EMC3: variants seen among roughly 807,000 people sequenced by gnomAD.
EMC3 encodes 30 kDa protein.
EMC3 carries 13 observed loss-of-function variants against 36.6 expected under a neutral mutation model. That is an observed-to-expected ratio of 0.35 (90% CI 0.23 to 0.56). The LOEUF (loss-of-function observed/expected upper bound fraction) is 0.56, where lower values mean the gene tolerates loss of function less well. Ranked by LOEUF, EMC3 falls within the 20% of genes least tolerant of loss-of-function variation. EMC3 has a pLI of 0.84. For synonymous variants in EMC3, 120 were observed against 111.9 expected (o/e 1.07, Z -0.46); for missense variants, 220 against 324.5 (o/e 0.68, Z 2.47).
intron 1 of EMC3, among the ~76,000 whole-genome samples, chr3:9,998,526 C>T (rs1291994672): frequency 2.0e-5 from 3 of 151,716 alleles, no homozygotes; most frequent in Admixed American, 1.3e-4. Context: ...AACTCCTGGG[C>T]TCAAGCAGTC....
intron 1 of EMC3, among the ~76,000 whole-genome samples, chr3:9,997,803 T>C (rs1232464607): frequency 1.3e-5 from 2 of 152,130 alleles, no homozygotes; most frequent in African/African-American, 2.4e-5. Context: ...CATTCATCCA[T>C]TGATGGACAC....
At chr3:10,005,942 A>C (rs2086257611) in intron 1 of EMC3, among the ~76,000 whole-genome samples, 1 of 152,196 alleles carries the variant, frequency 6.6e-6, no homozygotes, top group Non-Finnish European at 1.5e-5. Context: ...TCTCTCACTG[A>C]TGCGGGCTCA....
In EMC3 at chr3:9,963,479, T is replaced by TA. The variant is rs1559347910; in HGVS notation, c.*589_*590insT. 3.2e-3 allele frequency: 142 copies of TA among 43,760 alleles called. 1 individual carries two copies. The highest frequency in any genetic ancestry group is 0.012 in the East Asian group (36 of 2,952). The allele number at this position is 43,760 out of a possible 1,614,324, so 2.7% of individuals were successfully genotyped here. On this transcript the variant is annotated 3_prime_UTR_variant, in exon 8 of 8. Transcript: ENST00000245046. ...GATATATATATATATATATATATAT[T>TA]TTTTTTTTTTTTTCAGATGGAGTTT...
At chr3:9,964,324 C>G in intron 7 of EMC3, 127 bp from the exon 8 acceptor site, 2 of 1,419,614 alleles carry the variant, frequency 1.4e-6, no homozygotes. Flanking sequence ...TAAGCTCATT[C>G]AATCCTACAA....
At chr3:10,007,110 G>GGAT (rs2086271507) in intron 1 of EMC3, 2 of 324,336 alleles carry the variant, frequency 6.2e-6, no homozygotes, top group Non-Finnish European at 5.9e-6. Context: ...GCGGCATGCA[G>GGAT]TCAAGGATTC....
chr3:9,993,126 A>G, intron 1 of EMC3: 2 of 672,926 alleles, frequency 3.0e-6, no homozygotes, highest in South Asian at 3.5e-5. Flanking sequence ...TTTGAATTTT[A>G]TTTTTGCATT....
At chr3:9,987,162 C>G, upstream of EMC3, 1 of 884,072 alleles carries the variant, frequency 1.1e-6, no homozygotes, top group Non-Finnish European at 1.3e-6. Context: ...TGCAGTGAGC[C>G]GAGATTGCTG....
chr3:9,988,145 A>G, upstream of EMC3: 1 of 548,854 alleles, frequency 1.8e-6, no homozygotes, highest in East Asian at 3.2e-5. Context: ...ATCTAGTATT[A>G]TATCGTTTTT....
intron 5 of EMC3, among the ~76,000 whole-genome samples, chr3:9,972,120 T>G (rs1391183981): frequency 6.6e-6 from 1 of 152,200 alleles, no homozygotes; most frequent in Non-Finnish European, 1.5e-5. Flanking sequence ...TCATCAAATG[T>G]CAATTCCTAC....
Position 9,964,104 on chromosome 3 carries a change from T to C in EMC3, c.751A>G (p.Met251Val), listed in dbSNP as rs528008390. The change falls in exon 8 of 8, where the codon ATG (methionine) becomes GTG (valine). Residue 251 changes from methionine to valine, a missense_variant. Transcript: ENST00000245046. ...LMAKDLHFEG[M>V]FKKELQTSIF Reference sequence around the variant, plus strand: ...GAGGTCTGTAATTCCTTTTTGAACATGCCTTCGAAGTGGAGGTCTTTGGCC... The same window carrying C: ...GAGGTCTGTAATTCCTTTTTGAACACGCCTTCGAAGTGGAGGTCTTTGGCC... 9.3e-6 allele frequency: 15 copies of C among 1,614,216 alleles called. No individual in the cohort carries two copies. Among genetic ancestry groups the C allele is most frequent in the Admixed American group, 5.0e-5 (3 of 60,020 alleles).
chr3:9,977,353 A>T, intron 2 of EMC3, 36 bp downstream of exon 2: 2 of 1,584,864 alleles, frequency 1.3e-6, no homozygotes, highest in Non-Finnish European at 1.7e-6. Context: ...CCCAACAGTG[A>T]ATCGTGGAGC....
At chr3:10,006,636 T>G in intron 1 of EMC3, 1 of 195,622 alleles carries the variant, frequency 5.1e-6, no homozygotes, top group Admixed American at 5.9e-5. Flanking sequence ...GGTCAGAGAG[T>G]GGCAGAGGGA....
chr3:9,983,403 C>G (rs1477928433), intron 1 of EMC3, among the ~76,000 whole-genome samples: 1 of 152,142 alleles, frequency 6.6e-6, no homozygotes, highest in Non-Finnish European at 1.5e-5. Context: ...CCACCTCAGC[C>G]TCCCTAAGTG....
chr3:10,006,239 A>G (rs921560340), intron 1 of EMC3, among the ~76,000 whole-genome samples: 1 of 152,252 alleles, frequency 6.6e-6, no homozygotes, highest in African/African-American at 2.4e-5. Context: ...CTGTGACGTC[A>G]GCCTGCTCGG....
intron 1 of EMC3, chr3:10,000,978 C>A: frequency 7.1e-6 from 2 of 279,770 alleles, no homozygotes; most frequent in South Asian, 6.7e-5. Flanking sequence ...CCTGGGGCCA[C>A]GAAGGTTGCC....
In EMC3 at chr3:9,973,089, T is replaced by C. The variant is rs143569680; in HGVS notation, c.494+539A>G. Among the ~76,000 whole-genome samples the C allele has an allele frequency of 4.0e-5, 6 of 151,742 alleles. No homozygotes were observed. The East Asian group carries it at 1.2e-3, about 30-fold the overall frequency. ...ATCCGCCCGCCTCGGCCTCCCAAAG[T>C]GCAGGATTACAGGTGTGAGCCACCG... On this transcript the variant is annotated intron_variant, in intron 5 of 7. Transcript: ENST00000245046.
At chr3:9,991,143 A>G (rs2086047225), upstream of EMC3, among the ~76,000 whole-genome samples, 1 of 151,686 alleles carries the variant, frequency 6.6e-6, no homozygotes, top group African/African-American at 2.4e-5. Context: ...TTTATTTTTT[A>G]TAGAGATGAG....
chr3:9,974,080 A>G (rs1398604748), intron 4 of EMC3, among the ~76,000 whole-genome samples: 1 of 152,208 alleles, frequency 6.6e-6, no homozygotes, highest in Non-Finnish European at 1.5e-5. Context: ...ACTCACCCTA[A>G]CATCTAGCAA....
At chr3:9,990,505 TGTTA>T (rs368663270), upstream of EMC3, among the ~76,000 whole-genome samples, 477 of 151,926 alleles carry the variant, frequency 3.1e-3, 7 homozygotes, top group Admixed American at 0.019. Context: ...TGGCTAATTC[TGTTA>T]GTTAGTTAGT....
Sources: allele counts gnomAD v4.1 joint callset (sites outside exome capture counted in the v4.1 genomes callset), GRCh38; gene constraint gnomAD v4.1.1; transcripts MANE v1.5; gene names NCBI Gene and HGNC (gene_info 2026-07-23, HGNC 2026-07-21).